The following ESRRG variants were observed in gnomAD, a reference collection of about 807,000 sequenced individuals.
ESRRG encodes the protein estrogen-related receptor gamma.
A neutral mutation model predicts 44.0 loss-of-function variants in ESRRG; 13 were observed. The ratio of observed to expected loss-of-function variants is 0.30; its 90% confidence interval spans 0.19 to 0.47. The LOEUF is 0.47. Among genes scored for constraint, ESRRG ranks in the 20% least tolerant of loss-of-function variants. The probability of loss-of-function intolerance (pLI) is 1.00; values close to 1 mark genes in which losing one functional copy is unlikely to be tolerated. For synonymous variants in ESRRG, 215 were observed against 214.6 expected, an observed-to-expected ratio of 1.00 and a Z score of -0.02; for missense variants, 395 against 580.6, an observed-to-expected ratio of 0.68 and a Z score of 3.29.
At chr1:216,886,348 A>AT (rs1267586350) in intron 2 of ESRRG, among the ~76,000 whole-genome samples, 1 of 152,218 alleles carries the variant, frequency 6.6e-6, no homozygotes, top group African/African-American at 2.4e-5. Context: ...GCTGGATAAC[A>AT]TAAGAATGCT....
At chr1:217,081,213 A>G (rs2091734186) in intron 1 of ESRRG, among the ~76,000 whole-genome samples, 1 of 118,954 alleles carries the variant, frequency 8.4e-6, no homozygotes, top group Admixed American at 9.1e-5. Flanking sequence ...ATTATAGATA[A>G]AAATATTCTT....
chr1:216,607,899 A>G (rs2060142073), intron 3 of ESRRG, among the ~76,000 whole-genome samples: 1 of 152,240 alleles, frequency 6.6e-6, no homozygotes, highest in African/African-American at 2.4e-5. Context: ...ATAAGTTTAT[A>G]TAATTAAACG....
intron 1 of ESRRG, among the ~76,000 whole-genome samples, chr1:216,973,615 T>C (rs1269791612): frequency 6.6e-6 from 1 of 151,786 alleles, no homozygotes; most frequent in African/African-American, 2.4e-5. Flanking sequence ...TCACCTGAGG[T>C]CGGGAGTTCG....
At chr1:216,648,744 T>C (rs564430017) in intron 3 of ESRRG, among the ~76,000 whole-genome samples, 8 of 152,276 alleles carry the variant, frequency 5.3e-5, no homozygotes, top group Middle Eastern at 3.4e-3. Context: ...AACCTAAATA[T>C]AGATCAATAC....
At chr1:216,568,637 T>C (rs1333739940) in intron 3 of ESRRG, among the ~76,000 whole-genome samples, 3 of 152,212 alleles carry the variant, frequency 2.0e-5, no homozygotes, top group Non-Finnish European at 2.9e-5. Flanking sequence ...GACGCAAGAA[T>C]TGTTCTCTAT....
At chr1:217,063,875 C>G (rs1362578166) in intron 1 of ESRRG, among the ~76,000 whole-genome samples, 1 of 152,156 alleles carries the variant, frequency 6.6e-6, no homozygotes, top group Middle Eastern at 3.2e-3. Context: ...TCAGACTACA[C>G]TTCTTGGAAA....
intron 1 of ESRRG, among the ~76,000 whole-genome samples, chr1:216,694,980 G>A (rs544494108): frequency 1.3e-5 from 2 of 152,036 alleles, no homozygotes; most frequent in South Asian, 2.1e-4. Flanking sequence ...CTTTGAACTC[G>A]GTGTTTACAG....
chr1:217,103,466 C>A (rs989452143), intron 1 of ESRRG, among the ~76,000 whole-genome samples: 1 of 148,872 alleles, frequency 6.7e-6, no homozygotes, highest in African/African-American at 2.5e-5. Context: ...AGCAACACAG[C>A]GATACCTCAT....
chr1:217,061,223 C>T (rs114164631), intron 1 of ESRRG, among the ~76,000 whole-genome samples: 314 of 152,138 alleles, frequency 2.1e-3, no homozygotes, highest in African/African-American at 6.3e-3. Context: ...AACAACCTCC[C>T]TATCACCAGA....
intron 5 of ESRRG, among the ~76,000 whole-genome samples, chr1:216,532,210 G>A (rs2049580845): frequency 6.6e-6 from 1 of 151,910 alleles, no homozygotes; most frequent in South Asian, 2.1e-4. Flanking sequence ...TTAGGATGAT[G>A]CCATAGTGGA....
intron 3 of ESRRG, among the ~76,000 whole-genome samples, chr1:216,608,113 T>C (rs886427834): frequency 6.6e-6 from 1 of 152,250 alleles, no homozygotes; most frequent in African/African-American, 2.4e-5. Flanking sequence ...TTCTGATTGG[T>C]ATTTGCTATA....
At chr1:216,978,063 T>C (rs2073286936) in intron 1 of ESRRG, among the ~76,000 whole-genome samples, 2 of 152,124 alleles carry the variant, frequency 1.3e-5, no homozygotes, top group African/African-American at 4.8e-5. Context: ...TCTTTATAGA[T>C]TATCTAGTCG....
At chr1:216,737,040 A>T (rs2090041998) in intron 2 of ESRRG, among the ~76,000 whole-genome samples, 1 of 152,238 alleles carries the variant, frequency 6.6e-6, no homozygotes, top group African/African-American at 2.4e-5. Flanking sequence ...CTTAAAAATC[A>T]AATCCTGCAA....
At chr1:216,594,863 T>C (rs1444392255) in intron 3 of ESRRG, among the ~76,000 whole-genome samples, 1 of 152,190 alleles carries the variant, frequency 6.6e-6, no homozygotes, top group Non-Finnish European at 1.5e-5. Flanking sequence ...ACAATTGCAA[T>C]GCAAAGAAAT....
At chr1:217,106,555 G>T (rs781708139) in intron 1 of ESRRG, among the ~76,000 whole-genome samples, 48 of 152,204 alleles carry the variant, frequency 3.2e-4, no homozygotes, top group Non-Finnish European at 2.6e-4. Flanking sequence ...TATTAAGGAA[G>T]AAGAAAAGCT....
Position 216,506,176 on chromosome 1 carries a change from C to T in ESRRG, c.*763G>A, listed in dbSNP as rs548438725. Reference sequence around the variant, plus strand: ...ATAAGAAGCAGCCGATGCAACGTTGCTTAAGTTGTCTAATTAGAGGCTGCT... The same window carrying T: ...ATAAGAAGCAGCCGATGCAACGTTGTTTAAGTTGTCTAATTAGAGGCTGCT... On this transcript the variant is annotated 3_prime_UTR_variant, in exon 7 of 7. Coordinates refer to ENST00000408911, the MANE Select transcript of ESRRG (RefSeq NM_001438.4). 2.0e-5 allele frequency: 3 copies of T among 153,520 alleles called. No homozygotes were observed. The highest frequency in any genetic ancestry group is 1.9e-4 in the East Asian group (1 of 5,184). 9.5% of individuals were successfully genotyped at this position (153,520 alleles called of 1,614,324 possible). A position where few individuals can be genotyped will look rare whatever the true frequency, so the allele number is the denominator to read the frequency against.
At chr1:216,987,116 T>C (rs1252226044) in intron 1 of ESRRG, among the ~76,000 whole-genome samples, 1 of 152,224 alleles carries the variant, frequency 6.6e-6, no homozygotes, top group Non-Finnish European at 1.5e-5. Flanking sequence ...TAGAATTTTG[T>C]TATTTTTCTG....
intron 2 of ESRRG, among the ~76,000 whole-genome samples, chr1:216,886,865 G>A (rs1269653667): frequency 2.6e-5 from 4 of 151,892 alleles, no homozygotes; most frequent in Admixed American, 6.6e-5. Flanking sequence ...CTGGGACTAC[G>A]GGCGTGTAAC....
intron 2 of ESRRG, among the ~76,000 whole-genome samples, chr1:216,796,813 C>G (rs1166586391): frequency 6.6e-6 from 1 of 152,164 alleles, no homozygotes; most frequent in Non-Finnish European, 1.5e-5. Flanking sequence ...TTCTATGACA[C>G]TCTTTCCCAG....
Sources: gnomAD v4.1 joint callset for allele counts (sites outside exome capture counted in the v4.1 genomes callset) on GRCh38, gnomAD v4.1.1 for gene constraint, MANE v1.5 for transcripts, NCBI Gene and HGNC (gene_info 2026-07-23, HGNC 2026-07-21) for gene names.